Variants in TBCK observed in about 807,000 individuals in gnomAD.
TBCK encodes the protein TBC1 domain containing kinase, also known as TBC domain-containing protein kinase-like protein.
Under a neutral mutation model 113.4 loss-of-function variants are expected in TBCK, and 99 were observed. The ratio of observed to expected loss-of-function variants is 0.87; its 90% CI spans 0.74 to 1.03. The LOEUF is 1.03. TBCK is among the 50% of genes least tolerant of loss of function. The probability of loss-of-function intolerance (pLI) is 0.00; values close to 1 mark genes in which losing one functional copy is unlikely to be tolerated. For missense variants in TBCK, 1,045 were observed against 1,061.3 expected, an observed-to-expected ratio of 0.98 and a Z score of 0.21; for synonymous variants, 369 against 370.8, an observed-to-expected ratio of 1.00 and a Z score of 0.05.
Position 106,171,149 on chromosome 4 carries a change from T to C in TBCK, c.2181A>G (p.Arg727=). The C allele has an allele frequency of 1.9e-6, 3 of 1,612,880 alleles. No homozygotes were observed. Among genetic ancestry groups the C allele is most frequent in the South Asian group, 1.1e-5 (1 of 90,868 alleles). ...PKPSSDSSGG[R]SSAPYFSAEC... Reference sequence around the variant, plus strand: ...CAGCAGAGAAATAAGGTGCCGAACTTCTGCCTCCACTGCTGTCAGAAGATG... The same window carrying C: ...CAGCAGAGAAATAAGGTGCCGAACTCCTGCCTCCACTGCTGTCAGAAGATG... The change falls in exon 23 of 26, where the codon AGA becomes AGG. Residue 727 remains arginine, a synonymous_variant. Coordinates refer to ENST00000394708, the MANE Select transcript of TBCK (RefSeq NM_001163435.3).
In TBCK at chr4:106,235,401, A is replaced by G. The variant is rs779070720; in HGVS notation, c.1351-34T>C. On this transcript the variant is annotated intron_variant, in intron 14 of 25. Coordinates refer to ENST00000394708, the MANE Select transcript of TBCK (RefSeq NM_001163435.3). ...TCAAAAAAGAAATGAAAACGTCTCA[A>G]ATTACCTAGTGCCATCTTTTAGTCT... is the stretch of plus-strand genomic sequence containing the variant. The G allele has an allele frequency of 2.4e-4, 342 of 1,433,040 alleles. 1 individual carries two copies. Among genetic ancestry groups the G allele is most frequent in the Non-Finnish European group, 3.2e-4 (330 of 1,039,704 alleles). 88.8% of individuals were successfully genotyped at this position (1,433,040 alleles called of 1,614,324 possible).
At chr4:106,208,011 T>A (rs72891658) in intron 20 of TBCK, among the ~76,000 whole-genome samples, 6,873 of 152,196 alleles carry the variant, frequency 0.045, 517 homozygotes, top group African/African-American at 0.16. Flanking sequence ...TTTGTAATGA[T>A]GATTAGAGGA....
chr4:106,265,978 A>G (rs1762955830), intron 3 of TBCK, among the ~76,000 whole-genome samples: 1 of 151,844 alleles, frequency 6.6e-6, no homozygotes, highest in South Asian at 2.1e-4. Flanking sequence ...TTTCTCCCAT[A>G]TTAAAGTGCC....
At chr4:106,120,021 A>T (rs1744063720) in intron 23 of TBCK, among the ~76,000 whole-genome samples, 1 of 152,202 alleles carries the variant, frequency 6.6e-6, no homozygotes, top group African/African-American at 2.4e-5. Context: ...GCGACGCAGA[A>T]GATGGGTGAT....
chr4:106,297,355 T>C (rs984732360), intron 2 of TBCK, among the ~76,000 whole-genome samples: 1 of 152,178 alleles, frequency 6.6e-6, no homozygotes, highest in Non-Finnish European at 1.5e-5. Flanking sequence ...CACTATCCAG[T>C]CAACTGCTCT....
At chr4:106,291,912 T>C (rs547897690) in intron 3 of TBCK, among the ~76,000 whole-genome samples, 15 of 152,334 alleles carry the variant, frequency 9.8e-5, no homozygotes, top group African/African-American at 2.9e-4. Flanking sequence ...GACTGATGAG[T>C]TGACCGATGT....
intron 25 of TBCK, among the ~76,000 whole-genome samples, chr4:106,063,840 T>C (rs1051019829): frequency 7.9e-5 from 12 of 151,982 alleles, no homozygotes; most frequent in African/African-American, 2.4e-4. Flanking sequence ...ATATGAACTA[T>C]GAAGTGGGCT....
At chr4:106,111,491 T>C (rs1315731473) in intron 24 of TBCK, among the ~76,000 whole-genome samples, 1 of 152,234 alleles carries the variant, frequency 6.6e-6, no homozygotes, top group Admixed American at 6.5e-5. Flanking sequence ...AAAGGCCAGC[T>C]CACTGATTTC....
intron 22 of TBCK, among the ~76,000 whole-genome samples, chr4:106,174,197 T>C (rs749567356): frequency 2.5e-4 from 38 of 152,130 alleles, no homozygotes; most frequent in Non-Finnish European, 4.7e-4. Flanking sequence ...TATCCAATTC[T>C]CTTAGGCTAT....
chr4:106,210,615 C>T (rs944203968), intron 20 of TBCK, among the ~76,000 whole-genome samples: 1 of 152,008 alleles, frequency 6.6e-6, no homozygotes, highest in African/African-American at 2.4e-5. Context: ...TTACCTTTCA[C>T]GTTATTATTT....
intron 19 of TBCK, among the ~76,000 whole-genome samples, chr4:106,222,066 T>C (rs759046390): frequency 6.6e-6 from 1 of 152,152 alleles, no homozygotes; most frequent in Admixed American, 6.6e-5. Flanking sequence ...ACATGACCTA[T>C]ATAGAGGTAA....
intron 20 of TBCK, 129 bp downstream of exon 20, chr4:106,212,621 C>A (rs1756280753): frequency 1.6e-6 from 1 of 618,284 alleles, no homozygotes; most frequent in Non-Finnish European, 2.9e-6. Flanking sequence ...TACAAGGCTA[C>A]AATTAGTAGC....
intron 24 of TBCK, among the ~76,000 whole-genome samples, chr4:106,097,939 C>T (rs933123438): frequency 1.3e-5 from 2 of 152,012 alleles, no homozygotes; most frequent in Non-Finnish European, 2.9e-5. Context: ...AGTTGACTAT[C>T]ATCAGTCATG....
intron 2 of TBCK, 114 bp from the exon 3 acceptor site, chr4:106,295,280 A>G: frequency 2.6e-6 from 2 of 780,014 alleles, no homozygotes; most frequent in Non-Finnish European, 4.0e-6. Flanking sequence ...ATATTTTAAA[A>G]GAGCCTTTCA....
At chr4:106,221,299 G>A (rs1208508010) in intron 19 of TBCK, among the ~76,000 whole-genome samples, 4 of 151,910 alleles carry the variant, frequency 2.6e-5, no homozygotes, top group African/African-American at 9.7e-5. Flanking sequence ...CTGATGATTG[G>A]ATTTATATGT....
rs1190817496 is a variant in TBCK, at chr4:106,045,380, A to T, written c.*1190T>A. 6.6e-6 allele frequency: 1 copy of T among 152,190 alleles called. No homozygotes were observed. The highest frequency in any genetic ancestry group is 1.9e-4 in the East Asian group (1 of 5,194). The allele number at this position is 152,190 out of a possible 1,614,324, so 9.4% of individuals were successfully genotyped here. On this transcript the variant is annotated 3_prime_UTR_variant, in exon 26 of 26. Transcript: ENST00000394708. ...TCTTTGTGGTACCTAAAATTGTGAG[A>T]TGTCTTAGATTTAATGAAATATAAT... is the stretch of plus-strand genomic sequence containing the variant.
intron 25 of TBCK, among the ~76,000 whole-genome samples, chr4:106,066,809 CATA>C (rs1736696906): frequency 6.6e-6 from 1 of 152,006 alleles, no homozygotes; most frequent in South Asian, 2.1e-4. Flanking sequence ...TTATACTTAG[CATA>C]ATATTTACAT....
intron 20 of TBCK, among the ~76,000 whole-genome samples, chr4:106,208,328 C>A (rs181123073): frequency 6.6e-6 from 1 of 151,990 alleles, no homozygotes; most frequent in African/African-American, 2.4e-5. Context: ...TCTGATTGAT[C>A]CCTACCATTC....
Position 106,046,398 on chromosome 4 carries a change from C to T in TBCK, c.*172G>A. 2.1e-6 allele frequency: 1 copy of T among 480,822 alleles called. No homozygotes were observed. Among genetic ancestry groups the T allele is most frequent in the Non-Finnish European group, 3.7e-6 (1 of 270,822 alleles). 29.8% of individuals were successfully genotyped at this position (480,822 alleles called of 1,614,324 possible). ...AATACATGTAGAGTCAAGTTTCTTG[C>T]ATGGATAACTGAACATGTGGGTTAT... On this transcript the variant is annotated 3_prime_UTR_variant, in exon 26 of 26. Coordinates refer to ENST00000394708, the MANE Select transcript of TBCK (RefSeq NM_001163435.3).
Sources: gnomAD v4.1 joint callset for allele counts (sites outside exome capture counted in the v4.1 genomes callset) on GRCh38, gnomAD v4.1.1 for gene constraint, MANE v1.5 for transcripts, NCBI Gene and HGNC (gene_info 2026-07-23, HGNC 2026-07-21) for gene names.